The following RIMS1 variants were observed in gnomAD, a reference collection of about 807,000 sequenced individuals.
RIMS1 encodes regulating synaptic membrane exocytosis 1.
RIMS1 carries 83 observed loss-of-function variants against 214.1 expected under a neutral mutation model. The observed-to-expected ratio is 0.39, with a 90% confidence interval of 0.32 to 0.47. The LOEUF is 0.47. RIMS1 is among the 20% of genes least tolerant of loss of function. The pLI is 0.99. For missense variants in RIMS1, 2,050 were observed against 2,161.8 expected, an observed-to-expected ratio of 0.95 and a Z score of 1.03; for synonymous variants, 793 against 786.8, an observed-to-expected ratio of 1.01 and a Z score of -0.13.
chr6:71,896,922 C>A (rs533642745), intron 1 of RIMS1, among the ~76,000 whole-genome samples: 11 of 152,180 alleles, frequency 7.2e-5, no homozygotes, highest in African/African-American at 2.6e-4. Context: ...TGTCAATGAT[C>A]CCTAGATCTA....
At chr6:71,893,383 A>G (rs1770583722) in intron 1 of RIMS1, among the ~76,000 whole-genome samples, 1 of 152,066 alleles carries the variant, frequency 6.6e-6, no homozygotes. Context: ...ATGTGGGCAA[A>G]GTGATAAAGT....
At chr6:72,094,228 T>C (rs1048601415) in intron 2 of RIMS1, among the ~76,000 whole-genome samples, 1 of 152,228 alleles carries the variant, frequency 6.6e-6, no homozygotes, top group African/African-American at 2.4e-5. Context: ...CTGAACTATT[T>C]GCTAAACTGC....
intron 2 of RIMS1, among the ~76,000 whole-genome samples, chr6:71,982,206 T>A (rs1798680289): frequency 6.6e-6 from 1 of 152,168 alleles, no homozygotes; most frequent in African/African-American, 2.4e-5. Context: ...ATTAAAAGTG[T>A]TAAAATACTT....
intron 29 of RIMS1, among the ~76,000 whole-genome samples, chr6:72,381,334 A>G (rs1453662093): frequency 6.6e-6 from 1 of 152,148 alleles, no homozygotes; most frequent in African/African-American, 2.4e-5. Context: ...TTCTACAACT[A>G]CAGTCACATT....
chr6:72,062,624 T>C (rs1828158134), intron 2 of RIMS1, among the ~76,000 whole-genome samples: 1 of 152,196 alleles, frequency 6.6e-6, no homozygotes, highest in Non-Finnish European at 1.5e-5. Context: ...ACAGGTATAA[T>C]GATTTCCTAG....
chr6:72,196,603 T>TTTTTTTTTTTTTTTTTTA (rs780611745), intron 6 of RIMS1, among the ~76,000 whole-genome samples: 19 of 132,202 alleles, frequency 1.4e-4, no homozygotes, highest in South Asian at 7.5e-4. Context: ...TTTTTTTTTT[T>TTTTTTTTTTTTTTTTTTA]ACCTATACAG....
chr6:72,092,317 C>CTTCCTTCCTTCT (rs1562292694), intron 2 of RIMS1, among the ~76,000 whole-genome samples: 1 of 142,910 alleles, frequency 7.0e-6, no homozygotes, highest in Non-Finnish European at 1.5e-5. Context: ...TCCTTCCTTC[C>CTTCCTTCCTTCT]TTCCATAATA....
intron 2 of RIMS1, among the ~76,000 whole-genome samples, chr6:71,995,166 T>C (rs1289216929): frequency 6.6e-6 from 1 of 152,138 alleles, no homozygotes; most frequent in East Asian, 1.9e-4. Flanking sequence ...TCAGGAATTA[T>C]TTATAAAAAA....
intron 22 of RIMS1, among the ~76,000 whole-genome samples, chr6:72,267,733 A>G (rs1223473469): frequency 6.6e-6 from 1 of 152,144 alleles, no homozygotes; most frequent in East Asian, 1.9e-4. Flanking sequence ...CCCTTGTGAC[A>G]CTGAAGCCAC....
chr6:72,359,995 T>G (rs2097767955), intron 29 of RIMS1, among the ~76,000 whole-genome samples: 1 of 152,206 alleles, frequency 6.6e-6, no homozygotes, highest in Non-Finnish European at 1.5e-5. Context: ...TTTCATAGAT[T>G]TCTAACACAA....
chr6:72,011,037 A>G (rs1810354364), intron 2 of RIMS1, among the ~76,000 whole-genome samples: 1 of 151,072 alleles, frequency 6.6e-6, no homozygotes, highest in South Asian at 2.1e-4. Flanking sequence ...CCTTAGCCAA[A>G]AGAACAAAGC....
chr6:72,349,201 G>A (rs564941889), intron 29 of RIMS1, among the ~76,000 whole-genome samples: 1 of 152,138 alleles, frequency 6.6e-6, no homozygotes, highest in South Asian at 2.1e-4. Flanking sequence ...TTTTAGTGAA[G>A]CTTAACAGAC....
chr6:72,293,447 G>C (rs1460704019), intron 26 of RIMS1, among the ~76,000 whole-genome samples: 5 of 151,800 alleles, frequency 3.3e-5, no homozygotes, highest in Admixed American at 3.3e-4. Context: ...ATTTTTTAAA[G>C]CAAAAGTTGG....
chr6:72,043,942 G>A (rs1036702937), intron 2 of RIMS1, among the ~76,000 whole-genome samples: 1 of 151,444 alleles, frequency 6.6e-6, no homozygotes, highest in East Asian at 1.9e-4. Flanking sequence ...GGTACATATA[G>A]TCCAGATATG....
intron 22 of RIMS1, among the ~76,000 whole-genome samples, chr6:72,268,677 G>A (rs1019002420): frequency 2.0e-5 from 3 of 152,090 alleles, no homozygotes; most frequent in Non-Finnish European, 4.4e-5. Flanking sequence ...TACATAGTTT[G>A]GCCTACTTTA....
At chr6:72,294,838 G>A (rs2093890464) in intron 26 of RIMS1, among the ~76,000 whole-genome samples, 1 of 151,666 alleles carries the variant, frequency 6.6e-6, no homozygotes, top group Non-Finnish European at 1.5e-5. Flanking sequence ...AGTAGATTTA[G>A]GGGAAAAACA....
intron 2 of RIMS1, among the ~76,000 whole-genome samples, chr6:72,051,349 T>C (rs749434268): frequency 6.6e-6 from 1 of 152,220 alleles, no homozygotes; most frequent in Non-Finnish European, 1.5e-5. Context: ...TACATTATCC[T>C]TCTAGTAATA....
chr6:72,272,955 T>A (rs2084210569), intron 22 of RIMS1, among the ~76,000 whole-genome samples: 2 of 152,166 alleles, frequency 1.3e-5, no homozygotes, highest in African/African-American at 4.8e-5. Context: ...TTTTTAAAAA[T>A]TAAATAAAGT....
At chr6:72,130,095 G>GA (rs1332692329) in intron 4 of RIMS1, among the ~76,000 whole-genome samples, 4 of 151,888 alleles carry the variant, frequency 2.6e-5, no homozygotes, top group African/African-American at 9.7e-5. Context: ...ACTTACTCTG[G>GA]AAAAATATAT....
Sources: allele counts gnomAD v4.1 joint callset (sites outside exome capture counted in the v4.1 genomes callset), GRCh38; gene constraint gnomAD v4.1.1; transcripts MANE v1.5; gene names NCBI Gene and HGNC (gene_info 2026-07-23, HGNC 2026-07-21).